The following SGPL1 variants were observed in gnomAD, a reference collection of about 807,000 sequenced individuals.
SGPL1 encodes the protein SP-lyase 1.
Under a neutral mutation model 68.9 loss-of-function variants are expected in SGPL1, and 37 were observed. The ratio of observed to expected loss-of-function variants is 0.54; its 90% CI spans 0.41 to 0.71. The LOEUF is 0.71. Ranked by LOEUF, SGPL1 falls within the 30% of genes least tolerant of loss-of-function variation. The pLI, the probability that SGPL1 is intolerant of heterozygous loss-of-function variation, is 0.00. For synonymous variants in SGPL1, 236 were observed against 248.5 expected, an observed-to-expected ratio of 0.95 and a Z score of 0.47; for missense variants, 551 against 704.6, an observed-to-expected ratio of 0.78 and a Z score of 2.47.
At position 70,880,156 on chromosome 10, in the gene SGPL1, G is replaced by A. The variant is rs1589481940; in HGVS notation, c.*2821G>A. 1 of 152,662 alleles carries A rather than the reference G, an allele frequency of 6.6e-6. No homozygotes were observed. The highest frequency in any genetic ancestry group is 1.5e-5 in the Non-Finnish European group (1 of 68,040). 9.5% of individuals were successfully genotyped at this position (152,662 alleles called of 1,614,324 possible). ...CATTTGATTACTTGGGCACACACGA[G>A]ATGACAAATGGGGCAGTGGCCATGC... On this transcript the variant is annotated 3_prime_UTR_variant, in exon 15 of 15. Coordinates refer to ENST00000373202, the MANE Select transcript of SGPL1 (RefSeq NM_003901.4).
chr10:70,871,266 A>G, intron 10 of SGPL1, 120 bp downstream of exon 10: 1 of 623,888 alleles, frequency 1.6e-6, no homozygotes, highest in Non-Finnish European at 2.8e-6. Context: ...AGTAGTGATA[A>G]GTAGCTCTCA....
At chr10:70,871,459 T>C (rs1846293899) in intron 10 of SGPL1, among the ~76,000 whole-genome samples, 1 of 152,170 alleles carries the variant, frequency 6.6e-6, no homozygotes, top group South Asian at 2.1e-4. Flanking sequence ...AAGGGTGATA[T>C]TCCACATGCT....
intron 2 of SGPL1, among the ~76,000 whole-genome samples, chr10:70,826,753 GT>G (rs914779367): frequency 3.3e-5 from 5 of 150,062 alleles, no homozygotes; most frequent in African/African-American, 1.2e-4. Context: ...AGTTTAGTTT[GT>G]TTTTTTTTAA....
chr10:70,838,228 T>C (rs1329678441), intron 2 of SGPL1, among the ~76,000 whole-genome samples: 1 of 152,220 alleles, frequency 6.6e-6, no homozygotes, highest in African/African-American at 2.4e-5. Context: ...TTTAGTAATA[T>C]TCATTTGTGG....
rs530824783 is a variant in SGPL1 at position 70,844,398 on chromosome 10, T to C, written c.28-75T>C. 1.1e-5 allele frequency: 15 copies of C among 1,352,216 alleles called. No homozygotes were observed. In the African/African-American group the frequency reaches 1.9e-4, roughly 17 times the overall value. 83.8% of individuals were successfully genotyped at this position (1,352,216 alleles called of 1,614,324 possible). On this transcript the variant is annotated intron_variant, in intron 2 of 14. Coordinates refer to ENST00000373202, the MANE Select transcript of SGPL1 (RefSeq NM_003901.4). ...TGACCTTGCCCTTGAAAAATGAGAG[T>C]TGAAGTACAAACTAAGAACAGACTT...
intron 7 of SGPL1, chr10:70,866,361 T>C (rs1846186410): frequency 1.3e-5 from 2 of 151,796 alleles, no homozygotes. Context: ...CACTCCAGTC[T>C]AGGTGAAAGA....
At chr10:70,863,058 C>A (rs1283672491) in intron 7 of SGPL1, among the ~76,000 whole-genome samples, 1 of 152,114 alleles carries the variant, frequency 6.6e-6, no homozygotes, top group Non-Finnish European at 1.5e-5. Context: ...CATCTCAGCT[C>A]ACTGCAGCCT....
intron 2 of SGPL1, among the ~76,000 whole-genome samples, chr10:70,820,967 G>T (rs1456797939): frequency 6.6e-6 from 1 of 152,212 alleles, no homozygotes; most frequent in Non-Finnish European, 1.5e-5. Flanking sequence ...TGTGTGGACA[G>T]TATGCTGTGA....
At chr10:70,864,482 T>C (rs1290508293) in intron 7 of SGPL1, among the ~76,000 whole-genome samples, 2 of 152,212 alleles carry the variant, frequency 1.3e-5, no homozygotes, top group Non-Finnish European at 2.9e-5. Context: ...GTTCCTAATG[T>C]CTTTGTTAGT....
At chr10:70,858,970 T>G (rs182766139) in intron 6 of SGPL1, among the ~76,000 whole-genome samples, 6 of 152,378 alleles carry the variant, frequency 3.9e-5, no homozygotes. Context: ...CCAGACACTC[T>G]ACTAAGTGCT....
At chr10:70,853,811 A>C (rs1845922116) in intron 4 of SGPL1, among the ~76,000 whole-genome samples, 2 of 152,248 alleles carry the variant, frequency 1.3e-5, no homozygotes, top group African/African-American at 2.4e-5. Flanking sequence ...CAGACAGTGC[A>C]AGCTGTCGAC....
At chr10:70,839,211 A>T in intron 2 of SGPL1, among the ~76,000 whole-genome samples, 1 of 152,188 alleles carries the variant, frequency 6.6e-6, no homozygotes, top group Non-Finnish European at 1.5e-5. Flanking sequence ...GAGAAAGGCT[A>T]GTTTACTCAT....
chr10:70,819,045 T>C (rs1412428517), intron 2 of SGPL1, among the ~76,000 whole-genome samples: 1 of 152,226 alleles, frequency 6.6e-6, no homozygotes, highest in East Asian at 1.9e-4. Context: ...GAAGGATATG[T>C]TTATGTAAAT....
chr10:70,863,596 T>C (rs1846123865), intron 7 of SGPL1, among the ~76,000 whole-genome samples: 1 of 152,186 alleles, frequency 6.6e-6, no homozygotes, highest in African/African-American at 2.4e-5. Context: ...AGAAGATTTG[T>C]CATACCTTTT....
intron 7 of SGPL1, among the ~76,000 whole-genome samples, chr10:70,867,641 CTGG>C (rs1846218850): frequency 6.6e-6 from 1 of 151,696 alleles, no homozygotes; most frequent in African/African-American, 2.4e-5. Flanking sequence ...CATGAACAGA[CTGG>C]TCCCTACTTT....
chr10:70,855,477 C>T (rs1278228374), intron 5 of SGPL1, among the ~76,000 whole-genome samples: 1 of 152,198 alleles, frequency 6.6e-6, no homozygotes, highest in African/African-American at 2.4e-5. Flanking sequence ...TTAAAGTATG[C>T]CTTTGGCGAG....
chr10:70,832,777 C>T (rs1339066847), intron 2 of SGPL1, among the ~76,000 whole-genome samples: 1 of 152,144 alleles, frequency 6.6e-6, no homozygotes, highest in Middle Eastern at 3.2e-3. Flanking sequence ...TTTTTCCCCC[C>T]ATATCTTACC....
At chr10:70,860,396 GC>G (rs1183269280) in intron 7 of SGPL1, 2 of 466,668 alleles carry the variant, frequency 4.3e-6, no homozygotes, top group East Asian at 1.4e-4. Context: ...TTTCCAGGAA[GC>G]ATTGTTTTTG....
intron 2 of SGPL1, among the ~76,000 whole-genome samples, chr10:70,823,797 CCTTTTT>C (rs1342316012): frequency 6.6e-6 from 1 of 151,590 alleles, no homozygotes; most frequent in Non-Finnish European, 1.5e-5. Context: ...TCTTCTTTTT[CCTTTTT>C]CTTTTAATAA....
Sources: gnomAD v4.1 joint callset for allele counts (sites outside exome capture counted in the v4.1 genomes callset) on GRCh38, gnomAD v4.1.1 for gene constraint, MANE v1.5 for transcripts, NCBI Gene and HGNC (gene_info 2026-07-23, HGNC 2026-07-21) for gene names.